STK32B: variants seen among roughly 807,000 people sequenced by gnomAD.
STK32B encodes serine/threonine-protein kinase 32B.
In STK32B, 43 loss-of-function variants were observed where a neutral mutation model predicts 52.6. The ratio of observed to expected loss-of-function variants is 0.82; its 90% confidence interval spans 0.64 to 1.05. The LOEUF (loss-of-function observed/expected upper bound fraction) is 1.05, where lower values mean the gene tolerates loss of function less well. Ranked by LOEUF, STK32B falls within the 50% of genes least tolerant of loss-of-function variation. The probability of loss-of-function intolerance (pLI) is 0.00; values close to 1 mark genes in which losing one functional copy is unlikely to be tolerated. For missense variants in STK32B, 621 were observed against 534.6 expected (o/e 1.16, Z -1.59); for synonymous variants, 238 against 204.3 (o/e 1.17, Z -1.41).
upstream of STK32B, among the ~76,000 whole-genome samples, chr4:5,049,201 G>GT (rs879582644): frequency 0.016 from 2,326 of 143,612 alleles, 43 homozygotes; most frequent in African/African-American, 0.043. Flanking sequence ...CTTTTCTTTT[G>GT]TTTTTTTTTT....
Position 5,377,684 on chromosome 4 carries a change from G to T in STK32B, c.435-20523G>T, listed in dbSNP as rs573716852. ...TCATGGGGGTGTCTTCTCCCATGTT[G>T]TTCTGGTGATAGTGAGTGAGGTCTC... On this transcript the variant is annotated intron_variant, in intron 4 of 11. Transcript: ENST00000282908. 3.3e-5 allele frequency among the ~76,000 whole-genome samples: 5 copies of T among 152,328 alleles called. No homozygotes were observed. The East Asian group carries it at 7.7e-4, about 23-fold the overall frequency.
Position 5,472,940 on chromosome 4 carries a change from C to T in STK32B, c.1106+4870C>T, listed in dbSNP as rs188602921. On this transcript the variant is annotated intron_variant, in intron 11 of 11. Transcript: ENST00000282908. ...GCAGGATACTTAAATAATCTCTGCCCTCTACCTACTAGATACCAGTAACAC... is the reference window on the plus strand; with the variant it reads ...GCAGGATACTTAAATAATCTCTGCCTTCTACCTACTAGATACCAGTAACAC... 6.1e-3 allele frequency among the ~76,000 whole-genome samples: 934 copies of T among 152,090 alleles called. 3 individuals are homozygous for T. Among genetic ancestry groups the T allele is most frequent in the Non-Finnish European group, 0.011 (721 of 67,982 alleles).
At chr4:5,488,311 A>G (rs1719404047) in intron 11 of STK32B, among the ~76,000 whole-genome samples, 1 of 152,144 alleles carries the variant, frequency 6.6e-6, no homozygotes, top group South Asian at 2.1e-4. Context: ...AAGAAAACAA[A>G]ATCAATGTAA....
intron 3 of STK32B, among the ~76,000 whole-genome samples, chr4:5,280,974 C>A (rs566079143): frequency 6.6e-6 from 1 of 152,084 alleles, no homozygotes; most frequent in East Asian, 1.9e-4. Flanking sequence ...TGGAAAAAAA[C>A]AGGTTTAATT....
intron 1 of STK32B, among the ~76,000 whole-genome samples, chr4:5,081,790 G>A (rs778284495): frequency 1.1e-4 from 16 of 151,898 alleles, no homozygotes; most frequent in Admixed American, 3.3e-4. Context: ...TTTTCCTGAC[G>A]TCATTGAGTT....
intron 3 of STK32B, among the ~76,000 whole-genome samples, chr4:5,273,978 A>G (rs1221548832): frequency 6.6e-6 from 1 of 151,552 alleles, no homozygotes; most frequent in Non-Finnish European, 1.5e-5. Context: ...GTACCCTAAA[A>G]CTTAAAGTAT....
chr4:5,303,503 GTCC>G (rs1729716110), intron 3 of STK32B, among the ~76,000 whole-genome samples: 1 of 151,984 alleles, frequency 6.6e-6, no homozygotes, highest in Admixed American at 6.6e-5. Flanking sequence ...GTCTATTCAT[GTCC>G]TCAGCCCACT....
chr4:5,143,978 A>G (rs1716708592), intron 2 of STK32B, among the ~76,000 whole-genome samples: 2 of 151,508 alleles, frequency 1.3e-5, no homozygotes, highest in Non-Finnish European at 2.9e-5. Flanking sequence ...ACCTCCACCT[A>G]CTCCCCTGAC....
intron 3 of STK32B, among the ~76,000 whole-genome samples, chr4:5,248,390 C>T (rs1412658683): frequency 6.6e-6 from 1 of 152,222 alleles, no homozygotes; most frequent in Non-Finnish European, 1.5e-5. Flanking sequence ...GACCTGAAGA[C>T]ATAATGTGCC....
intron 11 of STK32B, among the ~76,000 whole-genome samples, chr4:5,497,044 T>G (rs1720325190): frequency 6.6e-6 from 1 of 152,120 alleles, no homozygotes; most frequent in Non-Finnish European, 1.5e-5. Context: ...AGTCTTTGAG[T>G]TTTCAACAAT....
intron 2 of STK32B, among the ~76,000 whole-genome samples, chr4:5,160,834 G>GTGC (rs936471149): frequency 2.6e-5 from 4 of 152,228 alleles, no homozygotes; most frequent in African/African-American, 9.6e-5. Flanking sequence ...GGAGGCTGGG[G>GTGC]TGCTGGGGAC....
chr4:5,295,520 GA>G (rs1482027921), intron 3 of STK32B, among the ~76,000 whole-genome samples: 2 of 152,064 alleles, frequency 1.3e-5, no homozygotes, highest in African/African-American at 2.4e-5. Context: ...GTGTGTCCTG[GA>G]ATTTATCCGT....
chr4:5,210,987 G>A (rs1394931714), intron 3 of STK32B, among the ~76,000 whole-genome samples: 1 of 151,552 alleles, frequency 6.6e-6, no homozygotes, highest in Non-Finnish European at 1.5e-5. Flanking sequence ...TAGAGATGGG[G>A]TCTAACTAGG....
At chr4:5,053,551 T>G (rs1433211561) in intron 1 of STK32B, among the ~76,000 whole-genome samples, 1 of 152,248 alleles carries the variant, frequency 6.6e-6, no homozygotes, top group African/African-American at 2.4e-5. Context: ...CTCTGTCATT[T>G]ATCCCCAGCT....
chr4:5,165,913 C>A (rs1319523188), intron 2 of STK32B, among the ~76,000 whole-genome samples: 1 of 152,204 alleles, frequency 6.6e-6, no homozygotes, highest in African/African-American at 2.4e-5. Flanking sequence ...CATTTATCGT[C>A]CCTCAGTGCC....
intron 9 of STK32B, among the ~76,000 whole-genome samples, chr4:5,466,257 G>C (rs767326242): frequency 1.3e-5 from 2 of 152,198 alleles, no homozygotes; most frequent in African/African-American, 4.8e-5. Context: ...GGCGGGAGGC[G>C]GGGGTACGGA....
Position 5,475,654 on chromosome 4 carries a change from C to T in STK32B, c.1106+7584C>T, listed in dbSNP as rs528443680. 7.6e-4 allele frequency among the ~76,000 whole-genome samples: 114 copies of T among 150,598 alleles called. No individual in the cohort carries two copies. The Middle Eastern group carries it at 0.017, about 23-fold the overall frequency. Reference sequence around the variant, plus strand: ...CAGAGGTTGCAGCGAGCCAAGATCACGCCACTGCACTCCAGCCTGGGCAAC... The same window carrying T: ...CAGAGGTTGCAGCGAGCCAAGATCATGCCACTGCACTCCAGCCTGGGCAAC... On this transcript the variant is annotated intron_variant, in intron 11 of 11. Coordinates refer to ENST00000282908, the MANE Select transcript of STK32B (RefSeq NM_018401.3).
chr4:5,071,997 G>T (rs1711811351), intron 1 of STK32B, among the ~76,000 whole-genome samples: 2 of 152,048 alleles, frequency 1.3e-5, no homozygotes, highest in Admixed American at 6.6e-5. Context: ...ACACCCCCTG[G>T]TGACCCTTGT....
At chr4:5,429,553 C>T (rs1394119114) in intron 6 of STK32B, among the ~76,000 whole-genome samples, 2 of 88,012 alleles carry the variant, frequency 2.3e-5, no homozygotes, top group African/African-American at 1.0e-4. Context: ...TCTCTTTTTA[C>T]TATAAATATA....
Sources: gnomAD v4.1 joint callset for allele counts (sites outside exome capture counted in the v4.1 genomes callset) on GRCh38, gnomAD v4.1.1 for gene constraint, MANE v1.5 for transcripts, NCBI Gene and HGNC (gene_info 2026-07-23, HGNC 2026-07-21) for gene names.